Variants in NUP107 observed in about 807,000 individuals in gnomAD.
NUP107 encodes the protein nucleoporin 107.
Under a neutral mutation model 141.0 loss-of-function variants are expected in NUP107, and 101 were observed. The observed-to-expected ratio is 0.72, with a 90% CI of 0.61 to 0.84. The LOEUF is 0.84. Ranked by LOEUF, NUP107 falls within the 40% of genes least tolerant of loss-of-function variation. The pLI, the probability that NUP107 is intolerant of heterozygous loss-of-function variation, is 0.00. For missense variants in NUP107, 941 were observed against 1,102.7 expected (o/e 0.85, Z 2.08); for synonymous variants, 319 against 363.9 (o/e 0.88, Z 1.41).
intron 8 of NUP107, among the ~76,000 whole-genome samples, chr12:68,707,802 A>G (rs532685922): frequency 2.6e-5 from 4 of 152,318 alleles, no homozygotes; most frequent in African/African-American, 9.6e-5. Context: ...TTTAAAATAT[A>G]CTACAGCATT....
chr12:68,697,079 A>G (rs1876103588), intron 6 of NUP107, among the ~76,000 whole-genome samples, 157 bp downstream of exon 6: 1 of 151,700 alleles, frequency 6.6e-6, no homozygotes, highest in South Asian at 2.1e-4. Flanking sequence ...CGTCTTACAT[A>G]TTGAGGGCCC....
intron 10 of NUP107, among the ~76,000 whole-genome samples, chr12:68,712,763 A>G (rs1876923921): frequency 6.6e-6 from 1 of 151,752 alleles, no homozygotes; most frequent in South Asian, 2.1e-4. Context: ...TCACACTGAT[A>G]TGGTCATTTG....
chr12:68,733,551 G>A lies in NUP107; in HGVS notation c.2201G>A (p.Ser734Asn). The A allele has an allele frequency of 2.5e-6, 4 of 1,613,562 alleles. No individual in the cohort carries two copies. Among genetic ancestry groups the A allele is most frequent in the Non-Finnish European group, 3.4e-6 (4 of 1,179,666 alleles). Reference sequence around the variant, plus strand: ...CAGTGCGAGGAACAAGGAATGGAAAGTCCACTTCCTGCTGAAGATGATAAT... The same window carrying A: ...CAGTGCGAGGAACAAGGAATGGAAAATCCACTTCCTGCTGAAGATGATAAT... ...YNQCEEQGME[S>N]PLPAEDDNAI... Residue 734 changes from serine (S) to asparagine (N), a missense_variant, in exon 24 of 28, where the codon AGT becomes AAT. By Grantham distance (46) the Ser-to-Asn change is conservative. Transcript: ENST00000229179.
intron 5 of NUP107, among the ~76,000 whole-genome samples, chr12:68,694,581 A>G (rs1351396656): frequency 6.6e-6 from 1 of 152,156 alleles, no homozygotes; most frequent in African/African-American, 2.4e-5. Flanking sequence ...CAAAAAAACA[A>G]CCCAATTTAA....
chr12:68,742,074 G>T, intron 27 of NUP107, 94 bp downstream of exon 27: 2 of 1,056,264 alleles, frequency 1.9e-6, no homozygotes, highest in South Asian at 1.9e-5. Flanking sequence ...ATTTGTAATT[G>T]CTCTTGGATT....
intron 5 of NUP107, among the ~76,000 whole-genome samples, chr12:68,695,154 C>T (rs953282300): frequency 1.3e-5 from 2 of 152,166 alleles, no homozygotes; most frequent in African/African-American, 4.8e-5. Context: ...AATTCAAATC[C>T]TTGTGCACTA....
At chr12:68,718,579 G>T (rs1295148709) in intron 12 of NUP107, among the ~76,000 whole-genome samples, 1 of 151,990 alleles carries the variant, frequency 6.6e-6, no homozygotes, top group African/African-American at 2.4e-5. Context: ...AAATGCCAGT[G>T]GGTGCCGTGG....
chr12:68,700,756 G>A lies in NUP107; in HGVS notation c.583G>A (p.Ala195Thr). ...VNILSKIVSR[A>T]TPGLQKFSKT... ...TATACTGAGTAAAATAGTGAGTCGA[G>A]CAACACCTGGACTTCAAAAATTTTC... The change falls in exon 7 of 28, where the codon GCA becomes ACA. Residue 195 changes from alanine to threonine, a missense_variant. Transcript: ENST00000229179. 6.2e-7 allele frequency: 1 copy of A among 1,610,666 alleles called. No individual in the cohort carries two copies. The highest frequency in any genetic ancestry group is 1.1e-5 in the South Asian group (1 of 90,286).
chr12:68,723,551 G>T (rs940509195), intron 17 of NUP107, among the ~76,000 whole-genome samples: 5 of 152,040 alleles, frequency 3.3e-5, no homozygotes, highest in African/African-American at 4.8e-5. Flanking sequence ...AGCCAAGATC[G>T]CAACGTTGCA....
chr12:68,696,705 C>A, intron 5 of NUP107, 114 bp from the exon 6 acceptor site: 1 of 615,190 alleles, frequency 1.6e-6, no homozygotes, highest in East Asian at 2.9e-5. Flanking sequence ...AAGAGTGAAA[C>A]TCCATCTCAA....
At chr12:68,698,783 G>T (rs1232060294) in intron 6 of NUP107, among the ~76,000 whole-genome samples, 2 of 152,186 alleles carry the variant, frequency 1.3e-5, no homozygotes, top group African/African-American at 4.8e-5. Flanking sequence ...GGAGTTAGTT[G>T]CGAGGGAGCA....
intron 8 of NUP107, 84 bp from the exon 9 acceptor site, chr12:68,709,154 G>A (rs769057059): frequency 3.4e-5 from 31 of 915,898 alleles, no homozygotes; most frequent in Non-Finnish European, 5.1e-5. Flanking sequence ...TTTCATACTG[G>A]CTTTTTATCT....
chr12:68,727,918 G>A (rs551639291), intron 20 of NUP107, among the ~76,000 whole-genome samples: 2 of 152,058 alleles, frequency 1.3e-5, no homozygotes, highest in Admixed American at 6.6e-5. Context: ...GTTCAATCCC[G>A]TGTTGTTCAA....
chr12:68,727,513 T>C (rs1254344517), intron 20 of NUP107, 124 bp downstream of exon 20: 1 of 566,580 alleles, frequency 1.8e-6, no homozygotes, highest in Non-Finnish European at 3.2e-6. Context: ...ATCTTTTAAT[T>C]ATCAGCACAG....
rs1415590226 is a variant in NUP107, at chr12:68,687,024, A to C, written c.-42A>C. The C allele has an allele frequency of 2.5e-6, 4 of 1,614,070 alleles. No homozygotes were observed. The highest frequency in any genetic ancestry group is 3.4e-6 in the Non-Finnish European group (4 of 1,179,904). On this transcript the variant is annotated 5_prime_UTR_variant, in exon 1 of 28. Transcript: ENST00000229179. ...CGGGAAGGCTAAAACGCGGTAGCTA[A>C]ACTGCAGCCAACTTTGGTTGTGTGT...
At chr12:68,702,674 G>C (rs1007079313) in intron 7 of NUP107, 62 bp from the exon 8 acceptor site, 29 of 1,171,776 alleles carry the variant, frequency 2.5e-5, no homozygotes, top group Non-Finnish European at 3.5e-5. Flanking sequence ...CAGATGCTCA[G>C]TGGCAAGTTC....
chr12:68,731,303 A>G (rs1204733702), intron 21 of NUP107, 43 bp downstream of exon 21: 11 of 1,553,252 alleles, frequency 7.1e-6, no homozygotes, highest in Non-Finnish European at 9.5e-6. Context: ...TTTCTAGGCA[A>G]ATGTTCATTT....
intron 3 of NUP107, 196 bp from the exon 4 acceptor site, chr12:68,690,435 G>A: frequency 1.5e-6 from 1 of 669,326 alleles, no homozygotes; most frequent in South Asian, 2.0e-5. Flanking sequence ...AGGCTCAGTA[G>A]TACCTACAGC....
intron 5 of NUP107, among the ~76,000 whole-genome samples, chr12:68,695,642 A>G (rs964803594): frequency 6.6e-6 from 1 of 152,240 alleles, no homozygotes; most frequent in Non-Finnish European, 1.5e-5. Context: ...GTTAATGTTT[A>G]TTAAGTACAG....
Sources: gnomAD v4.1 joint callset for allele counts (sites outside exome capture counted in the v4.1 genomes callset) on GRCh38, gnomAD v4.1.1 for gene constraint, MANE v1.5 for transcripts, NCBI Gene and HGNC (gene_info 2026-07-23, HGNC 2026-07-21) for gene names.